SERP2: variants seen among roughly 807,000 people sequenced by gnomAD.
SERP2 encodes stress-associated endoplasmic reticulum protein 2.
A neutral mutation model predicts 9.1 loss-of-function variants in SERP2; 6 were observed. The observed-to-expected ratio is 0.66, with a 90% CI of 0.36 to 1.30. The LOEUF is 1.30. Among genes scored for constraint, SERP2 ranks in the 50% most tolerant of loss-of-function variants. The probability of loss-of-function intolerance (pLI) is 0.03; values close to 1 mark genes in which losing one functional copy is unlikely to be tolerated. For missense variants in SERP2, 58 were observed against 81.9 expected (o/e 0.71, Z 1.13); for synonymous variants, 37 against 27.3 (o/e 1.35, Z -1.10).
At chr13:44,376,784 A>AT (rs1245820341) in intron 1 of SERP2, among the ~76,000 whole-genome samples, 5 of 152,056 alleles carry the variant, frequency 3.3e-5, no homozygotes, top group Non-Finnish European at 5.9e-5. Context: ...AAAAAAAAAA[A>AT]GGAAACAGAG....
At chr13:44,375,216 T>C (rs1211982799) in intron 1 of SERP2, among the ~76,000 whole-genome samples, 5 of 152,110 alleles carry the variant, frequency 3.3e-5, no homozygotes, top group African/African-American at 4.8e-5. Context: ...AGAAACTATA[T>C]TGGTTTGATT....
At chr13:44,376,573 G>A (rs1470723639) in intron 1 of SERP2, among the ~76,000 whole-genome samples, 9 of 152,044 alleles carry the variant, frequency 5.9e-5, no homozygotes, top group African/African-American at 9.7e-5. Context: ...TCAGGAGTTC[G>A]AAACCAGCCT....
intron 2 of SERP2, chr13:44,390,305 A>ACCC: frequency 2.5e-5 from 2 of 80,458 alleles, no homozygotes; most frequent in Non-Finnish European, 2.7e-5. Context: ...GTCCCCACCC[A>ACCC]CCCGCCCTGG....
At chr13:44,384,987 T>G (rs1449481727) in intron 2 of SERP2, among the ~76,000 whole-genome samples, 1 of 152,238 alleles carries the variant, frequency 6.6e-6, no homozygotes, top group Non-Finnish European at 1.5e-5. Context: ...AATATTCAGG[T>G]CAGGCAGACA....
At chr13:44,390,128 C>T (rs1450438427) in intron 2 of SERP2, among the ~76,000 whole-genome samples, 8 of 152,214 alleles carry the variant, frequency 5.3e-5, no homozygotes, top group Non-Finnish European at 1.2e-4. Flanking sequence ...AGGCCTTTAG[C>T]ATATGACTGT....
chr13:44,385,285 A>G (rs1309709357), intron 2 of SERP2, among the ~76,000 whole-genome samples: 2 of 152,184 alleles, frequency 1.3e-5, no homozygotes, highest in African/African-American at 4.8e-5. Context: ...CAAGATAATG[A>G]AAAGGAAGGA....
At chr13:44,390,285 G>A (rs1020166460) in intron 2 of SERP2, 5 of 329,562 alleles carry the variant, frequency 1.5e-5, no homozygotes, top group Admixed American at 6.5e-5. Context: ...CTCTTGGTTG[G>A]GCCACCGGTG....
At chr13:44,379,355 G>A (rs775727707) in intron 1 of SERP2, among the ~76,000 whole-genome samples, 17 of 152,060 alleles carry the variant, frequency 1.1e-4, no homozygotes, top group Non-Finnish European at 2.1e-4. Flanking sequence ...TTCCTAAATC[G>A]CCATATTGGT....
chr13:44,393,521 C>T (rs1030980323), intron 2 of SERP2, among the ~76,000 whole-genome samples: 4 of 152,164 alleles, frequency 2.6e-5, no homozygotes, highest in Admixed American at 1.3e-4. Flanking sequence ...GACCTGCCCA[C>T]GCCCTGATCG....
At chr13:44,375,225 T>C (rs951376373) in intron 1 of SERP2, among the ~76,000 whole-genome samples, 1 of 152,088 alleles carries the variant, frequency 6.6e-6, no homozygotes, top group Non-Finnish European at 1.5e-5. Flanking sequence ...ATTGGTTTGA[T>C]TAACTAAGCA....
At chr13:44,380,343 G>T (rs1871901637) in intron 2 of SERP2, among the ~76,000 whole-genome samples, 1 of 152,158 alleles carries the variant, frequency 6.6e-6, no homozygotes, top group Admixed American at 6.5e-5. Flanking sequence ...ATCCTTGTGA[G>T]TGGAGGTCAC....
At chr13:44,386,027 T>C (rs1464158793) in intron 2 of SERP2, among the ~76,000 whole-genome samples, 1 of 152,194 alleles carries the variant, frequency 6.6e-6, no homozygotes, top group Non-Finnish European at 1.5e-5. Flanking sequence ...CAGCAAGCCA[T>C]GAGCCCTGCC....
Position 44,381,989 on chromosome 13 carries a change from AGGATGGATGGATGGATGGAT to A in SERP2, c.157+2305_157+2324del, listed in dbSNP as rs57960396. On this transcript the variant is annotated intron_variant, in intron 2 of 2. Coordinates refer to ENST00000379179, the MANE Select transcript of SERP2 (RefSeq NM_001010897.3). ...AGTATTTAGCACATAGTTAGTGCTT[AGGATGGATGGATGGATGGAT>A]GGATGGATGGATGGATGGATGGATG... Among the ~76,000 whole-genome samples the A allele has an allele frequency of 1.1e-4, 16 of 147,708 alleles. 1 individual carries two copies. Among genetic ancestry groups the A allele is most frequent in the East Asian group, 4.0e-4 (2 of 4,966 alleles).
chr13:44,390,564 A>G (rs1595056150), intron 2 of SERP2: 2 of 399,678 alleles, frequency 5.0e-6, no homozygotes, highest in African/African-American at 4.1e-5. Flanking sequence ...CTCATCAGCC[A>G]TCAGCTCCCT....
At chr13:44,392,419 T>C (rs1161025757) in intron 2 of SERP2, among the ~76,000 whole-genome samples, 1 of 151,944 alleles carries the variant, frequency 6.6e-6, no homozygotes, top group Non-Finnish European at 1.5e-5. Flanking sequence ...TTTGCTTTTA[T>C]TGAAAGGATA....
chr13:44,382,436 C>CTAA (rs1872042380), intron 2 of SERP2, among the ~76,000 whole-genome samples: 2 of 45,670 alleles, frequency 4.4e-5, no homozygotes, highest in Non-Finnish European at 7.7e-5. Flanking sequence ...GACTCCGTCT[C>CTAA]AAAAAAAAAA....
rs373109847 is a variant in SERP2 at position 44,383,544 on chromosome 13, G to GTTTTTTTTTTTTTTTTTTTTT, written c.157+3839_157+3840insTTTTTTTTTTTTTTTTTTTTT. ...TAGCTCCACCTCTCTGGAGGTTTGC[G>GTTTTTTTTTTTTTTTTTTTTT]TTTTTTTTGTTTTTTTTTTTTTGAG... On this transcript the variant is annotated intron_variant, in intron 2 of 2. Transcript: ENST00000379179. Among the ~76,000 whole-genome samples the GTTTTTTTTTTTTTTTTTTTTT allele has an allele frequency of 2.2e-5, 2 of 91,830 alleles. 1 individual carries two copies. The highest frequency in any genetic ancestry group is 4.2e-5 in the Non-Finnish European group (2 of 47,422). The allele number at this position is 91,830 out of a possible 152,430, so 60.2% of individuals were successfully genotyped here.
rs760743999 is a variant in SERP2 at position 44,374,082 on chromosome 13, C to A, written c.57C>A (p.Thr19=). The A allele has an allele frequency of 2.5e-6, 4 of 1,583,302 alleles. No individual in the cohort carries two copies. The highest frequency in any genetic ancestry group is 3.4e-6 in the Non-Finnish European group (4 of 1,166,102). Reference sequence around the variant, plus strand: ...ACGAGAAGCACAGCAAAAACATCACCCAGAGGGGGAACGTAGCCAAAACCC... The same window carrying A: ...ACGAGAAGCACAGCAAAAACATCACACAGAGGGGGAACGTAGCCAAAACCC... ...MANEKHSKNI[T]QRGNVAKTLR... The change falls in exon 1 of 3, where the codon ACC becomes ACA. Residue 19 remains threonine (T), a synonymous_variant. Coordinates refer to ENST00000379179, the MANE Select transcript of SERP2 (RefSeq NM_001010897.3).
chr13:44,385,116 T>C (rs1383889767), intron 2 of SERP2, among the ~76,000 whole-genome samples: 1 of 152,184 alleles, frequency 6.6e-6, no homozygotes, highest in African/African-American at 2.4e-5. Context: ...CTGTTTTATG[T>C]GGAAAAACAG....
Sources: gnomAD v4.1 joint callset for allele counts (sites outside exome capture counted in the v4.1 genomes callset) on GRCh38, gnomAD v4.1.1 for gene constraint, MANE v1.5 for transcripts, NCBI Gene and HGNC (gene_info 2026-07-23, HGNC 2026-07-21) for gene names.